The following RAI1 variants were observed in gnomAD, a reference collection of about 807,000 sequenced individuals.
RAI1 encodes retinoic acid-induced protein 1.
RAI1 carries 9 observed loss-of-function variants against 123.8 expected under a neutral mutation model. The observed-to-expected ratio is 0.07, with a 90% confidence interval of 0.04 to 0.13. The LOEUF is 0.13. Ranked by LOEUF, RAI1 falls within the 10% of genes least tolerant of loss-of-function variation. The pLI is 1.00. For missense variants in RAI1, 2,256 were observed against 2,545.8 expected (o/e 0.89, Z 2.45); for synonymous variants, 1,231 against 1,127.3 (o/e 1.09, Z -1.84).
Position 17,809,489 on chromosome 17 carries a change from A to G in RAI1, c.5709+50A>G, listed in dbSNP as rs1349179946. On this transcript the variant is annotated intron_variant, in intron 5 of 5. Transcript: ENST00000353383. The surrounding 1 kb of genome is among the most constrained non-coding windows in gnomAD (Gnocchi z 4.9). ...GGCGAGGGGTGTCAAGCGGGAGAGG[A>G]GCCCCACCTCGCACCTCCTTCACAG... 6.5e-6 allele frequency: 10 copies of G among 1,527,266 alleles called. No homozygotes were observed. Among genetic ancestry groups the G allele is most frequent in the Non-Finnish European group, 9.1e-6 (10 of 1,102,714 alleles). The allele number at this position is 1,527,266 out of a possible 1,614,324, so 94.6% of individuals were successfully genotyped here. A position where few individuals can be genotyped will look rare whatever the true frequency, so the allele number is the denominator to read the frequency against.
chr17:17,722,025 A>G (rs916984647), intron 1 of RAI1, among the ~76,000 whole-genome samples: 1 of 152,166 alleles, frequency 6.6e-6, no homozygotes, highest in Non-Finnish European at 1.5e-5. Flanking sequence ...GACATCATTG[A>G]GCAGCAAAAC....
intron 2 of RAI1, among the ~76,000 whole-genome samples, chr17:17,780,362 G>A (rs1198912577): frequency 6.6e-6 from 1 of 151,978 alleles, no homozygotes; most frequent in African/African-American, 2.4e-5. Flanking sequence ...CATCGCACCC[G>A]GCCACCCACC....
At chr17:17,698,160 G>T (rs1400692812) in intron 1 of RAI1, among the ~76,000 whole-genome samples, 1 of 152,194 alleles carries the variant, frequency 6.6e-6, no homozygotes, top group Non-Finnish European at 1.5e-5. Flanking sequence ...GCGCTGCTGT[G>T]GGGTGACCCT....
intron 2 of RAI1, among the ~76,000 whole-genome samples, chr17:17,761,665 G>A (rs2030703065): frequency 6.6e-6 from 1 of 152,320 alleles, no homozygotes; most frequent in South Asian, 2.1e-4. Flanking sequence ...AGGCACAAAA[G>A]GTTGGGAGAC....
intron 1 of RAI1, among the ~76,000 whole-genome samples, chr17:17,701,941 G>A (rs1174399864): frequency 6.6e-6 from 1 of 152,272 alleles, no homozygotes; most frequent in Non-Finnish European, 1.5e-5. Context: ...AAGGACTCCA[G>A]TCGGGGAGGC....
At chr17:17,756,053 G>A (rs569908717) in intron 2 of RAI1, among the ~76,000 whole-genome samples, 356 of 152,350 alleles carry the variant, frequency 2.3e-3, no homozygotes, top group Non-Finnish European at 4.0e-3. Flanking sequence ...CAGCCTCCAT[G>A]TGGGGTCTGG....
intron 2 of RAI1, chr17:17,778,867 G>A (rs1216519089): frequency 4.4e-6 from 2 of 456,858 alleles, no homozygotes; most frequent in Non-Finnish European, 8.8e-6. Flanking sequence ...GAAGCCAAGA[G>A]GGAGGGAGTT....
rs546306892 is a variant in RAI1 at position 17,724,352 on chromosome 17, GT to G, written c.-17+197del. 2.2e-3 allele frequency among the ~76,000 whole-genome samples: 321 copies of G among 148,590 alleles called. 3 individuals carry two copies. The highest frequency in any genetic ancestry group is 3.3e-3 in the Non-Finnish European group (220 of 67,164). On this transcript the variant is annotated intron_variant, in intron 2 of 5. Transcript: ENST00000353383. ...GAGTTGCGGATTTGCATGTTTGGGG[GT>G]TTTCCACGCTGGTTGAGGGAATCGG...
At chr17:17,700,388 G>A (rs902338174) in intron 1 of RAI1, among the ~76,000 whole-genome samples, 10 of 151,844 alleles carry the variant, frequency 6.6e-5, no homozygotes, top group African/African-American at 2.4e-4. Flanking sequence ...CGCGGCTCCC[G>A]GCTCGGGGCT....
In RAI1 at chr17:17,797,331, C is replaced by A. The variant is rs2032297400; in HGVS notation, c.4383C>A (p.Gly1461=). Reference sequence around the variant, plus strand: ...CAGGGGCCCATGGACTCTCCAAAGGCCCGCTGGAGAAGCGGCCCTATCTTG... The same window carrying A: ...CAGGGGCCCATGGACTCTCCAAAGGACCGCTGGAGAAGCGGCCCTATCTTG... The part of the protein sequence containing the change: ...GRAGAHGLSK[G]PLEKRPYLGP... Residue 1461 remains glycine (G), a synonymous_variant, in exon 3 of 6, where the codon GGC becomes GGA. Coordinates refer to ENST00000353383, the MANE Select transcript of RAI1 (RefSeq NM_030665.4). The A allele has an allele frequency of 6.2e-7, 1 of 1,612,226 alleles. No homozygotes were observed. Among genetic ancestry groups the A allele is most frequent in the Non-Finnish European group, 8.5e-7 (1 of 1,179,788 alleles).
In RAI1 at chr17:17,800,360, T is replaced by C. The variant is rs1168673775; in HGVS notation, c.5565+1847T>C. ...TTCACAGCCCCATTCCTGAAAGCCT[T>C]GTCCCCACGGCATCCTCGGTCCCGC... On this transcript the variant is annotated intron_variant, in intron 3 of 5. Coordinates refer to ENST00000353383, the MANE Select transcript of RAI1 (RefSeq NM_030665.4). This position sits in a 1 kb window ranked among gnomAD's most constrained non-coding sequence, Gnocchi z 4.7. Among the ~76,000 whole-genome samples, 1 of 152,104 alleles carries C rather than the reference T, an allele frequency of 6.6e-6. No individual in the cohort carries two copies. Among genetic ancestry groups the C allele is most frequent in the Non-Finnish European group, 1.5e-5 (1 of 68,026 alleles).
intron 1 of RAI1, among the ~76,000 whole-genome samples, chr17:17,693,615 C>T (rs1427952671): frequency 1.3e-5 from 2 of 152,254 alleles, no homozygotes; most frequent in Non-Finnish European, 2.9e-5. Context: ...GCAATGGCCG[C>T]CCCTCCTTCC....
intron 2 of RAI1, among the ~76,000 whole-genome samples, chr17:17,754,628 TG>T (rs953672941): frequency 2.6e-4 from 40 of 152,338 alleles, no homozygotes; most frequent in Admixed American, 9.8e-4. Context: ...GCCTTAGCCA[TG>T]GGAAACCGGC....
At position 17,795,487 on chromosome 17, in the gene RAI1, A is replaced by G; in HGVS notation, c.2539A>G (p.Thr847Ala). Reference protein sequence around the residue: ...WLEDSRHCCSTADFGDLPLLP... With the variant: ...WLEDSRHCCSAADFGDLPLLP... ...GGAGGACAGCCGGCACTGCTGTTCC[A>G]CCGCCGACTTCGGGGACCTCCCACT... The change falls in exon 3 of 6, where the codon ACC (threonine) becomes GCC (alanine). Residue 847 changes from threonine (T) to alanine (A), a missense_variant. Around this residue, in one of 7 missense-constraint regions of RAI1, gnomAD observed 566 missense variants for 616.0 expected, o/e 0.92. Transcript: ENST00000353383. The surrounding 1 kb of genome is among the most constrained non-coding windows in gnomAD (Gnocchi z 5.9). The G allele has an allele frequency of 6.3e-7, 1 of 1,584,712 alleles. No homozygotes were observed. Among genetic ancestry groups the G allele is most frequent in the Non-Finnish European group, 8.6e-7 (1 of 1,165,740 alleles).
At chr17:17,708,611 C>T (rs1231748404) in intron 1 of RAI1, among the ~76,000 whole-genome samples, 1 of 152,020 alleles carries the variant, frequency 6.6e-6, no homozygotes, top group Non-Finnish European at 1.5e-5. Flanking sequence ...CTTAGGGGTC[C>T]CCTGGGTTGC....
chr17:17,746,200 CG>C (rs1361232798), intron 2 of RAI1, among the ~76,000 whole-genome samples: 1 of 152,222 alleles, frequency 6.6e-6, no homozygotes, highest in East Asian at 1.9e-4. Flanking sequence ...CAGATGCCCC[CG>C]GGGGTGCCAC....
At chr17:17,734,320 T>C (rs1916356932) in intron 2 of RAI1, among the ~76,000 whole-genome samples, 1 of 151,956 alleles carries the variant, frequency 6.6e-6, no homozygotes, top group Admixed American at 6.6e-5. Flanking sequence ...GGTGGGTGCC[T>C]GTGGTCCCAG....
At chr17:17,716,268 C>T (rs1010922562) in intron 1 of RAI1, among the ~76,000 whole-genome samples, 2 of 152,222 alleles carry the variant, frequency 1.3e-5, no homozygotes, top group East Asian at 3.8e-4. Flanking sequence ...CCCAGAGATA[C>T]CCATGAGCCC....
intron 2 of RAI1, among the ~76,000 whole-genome samples, chr17:17,753,248 T>C (rs1020744302): frequency 1.3e-5 from 2 of 151,818 alleles, no homozygotes; most frequent in Non-Finnish European, 2.9e-5. Context: ...GGGCCTGGAG[T>C]GAGGGCTGCT....
Sources: gnomAD v4.1 joint callset for allele counts (sites outside exome capture counted in the v4.1 genomes callset) on GRCh38, gnomAD v4.1.1 for gene constraint, gnomAD v4.1.1 regional missense constraint, Gnocchi (gnomAD v3.1) non-coding constraint, MANE v1.5 for transcripts, NCBI Gene and HGNC (gene_info 2026-07-23, HGNC 2026-07-21) for gene names.